GALNT13: variants seen among roughly 807,000 people sequenced by gnomAD.
The protein encoded by GALNT13 is polypeptide N-acetylgalactosaminyltransferase 13.
In GALNT13, 28 loss-of-function variants were observed where a neutral mutation model predicts 64.2. The observed-to-expected ratio is 0.44, with a 90% CI of 0.32 to 0.60. The LOEUF is 0.60. Among genes scored for constraint, GALNT13 ranks in the 20% least tolerant of loss-of-function variants. The pLI, the probability that GALNT13 is intolerant of heterozygous loss-of-function variation, is 0.05. For missense variants in GALNT13, 577 were observed against 669.8 expected (o/e 0.86, Z 1.53); for synonymous variants, 214 against 224.6 (o/e 0.95, Z 0.42).
chr2:154,341,334 A>G (rs1695761789), intron 9 of GALNT13, among the ~76,000 whole-genome samples: 2 of 152,146 alleles, frequency 1.3e-5, no homozygotes, highest in Non-Finnish European at 2.9e-5. Context: ...TTCACATTCT[A>G]GTGGCAATGA....
chr2:153,108,486 C>A, the GALNT13 span, among the ~76,000 whole-genome samples: 3 of 152,052 alleles, frequency 2.0e-5, no homozygotes, highest in East Asian at 3.9e-4. Flanking sequence ...TATTCAGGAA[C>A]TTGGGAATGG....
At chr2:153,569,647 A>G in the GALNT13 span, among the ~76,000 whole-genome samples, 3 of 152,078 alleles carry the variant, frequency 2.0e-5, no homozygotes, top group African/African-American at 4.8e-5. Context: ...GGAAAATAGG[A>G]CATCCGTCCC....
the GALNT13 span, among the ~76,000 whole-genome samples, chr2:153,322,542 G>A: frequency 6.6e-6 from 1 of 152,078 alleles, no homozygotes; most frequent in Non-Finnish European, 1.5e-5. Flanking sequence ...TGGGATATAT[G>A]TGCAGAATGT....
chr2:154,096,206 C>T (rs1415505682), intron 3 of GALNT13, among the ~76,000 whole-genome samples: 1 of 151,956 alleles, frequency 6.6e-6, no homozygotes, highest in Non-Finnish European at 1.5e-5. Context: ...ATCTCAAGTC[C>T]TGGTAAGTGT....
At chr2:153,720,280 G>T in the GALNT13 span, among the ~76,000 whole-genome samples, 57 of 145,340 alleles carry the variant, frequency 3.9e-4, 3 homozygotes, top group African/African-American at 1.3e-3. Flanking sequence ...CTAACAAACA[G>T]AAAGGACATC....
chr2:153,700,876 A>G, the GALNT13 span, among the ~76,000 whole-genome samples: 5 of 152,280 alleles, frequency 3.3e-5, no homozygotes, highest in African/African-American at 1.2e-4. Flanking sequence ...TTCCATCCTC[A>G]TGGGTAGGAA....
At chr2:154,228,965 A>G (rs549358191) in intron 4 of GALNT13, among the ~76,000 whole-genome samples, 1 of 152,258 alleles carries the variant, frequency 6.6e-6, no homozygotes, top group South Asian at 2.1e-4. Context: ...CAGTTTCACT[A>G]CCTGCTACCA....
At chr2:153,721,230 G>C in the GALNT13 span, among the ~76,000 whole-genome samples, 1,906 of 148,910 alleles carry the variant, frequency 0.013, 39 homozygotes, top group African/African-American at 0.046. Flanking sequence ...AAGTGAAGGA[G>C]AAATAAAATA....
At chr2:153,852,324 A>G in the GALNT13 span, among the ~76,000 whole-genome samples, 1 of 152,200 alleles carries the variant, frequency 6.6e-6, no homozygotes, top group Non-Finnish European at 1.5e-5. Flanking sequence ...AAAGAAGCCT[A>G]CATTGCCTAT....
chr2:153,286,917 A>C, the GALNT13 span, among the ~76,000 whole-genome samples: 1 of 152,218 alleles, frequency 6.6e-6, no homozygotes, highest in African/African-American at 2.4e-5. Context: ...TAAAGCTGCT[A>C]AGAAAAAAAA....
chr2:154,374,649 A>G (rs899424400), intron 9 of GALNT13, among the ~76,000 whole-genome samples: 5 of 152,198 alleles, frequency 3.3e-5, no homozygotes, highest in Non-Finnish European at 5.9e-5. Flanking sequence ...TTGTTTCATT[A>G]GTTATGACTT....
the GALNT13 span, among the ~76,000 whole-genome samples, chr2:153,554,843 CT>C: frequency 6.6e-6 from 1 of 152,100 alleles, no homozygotes; most frequent in East Asian, 1.9e-4. Flanking sequence ...CCTTTGCTTT[CT>C]TTTTATATCC....
chr2:153,736,471 G>C, the GALNT13 span, among the ~76,000 whole-genome samples: 8 of 152,060 alleles, frequency 5.3e-5, no homozygotes, highest in Non-Finnish European at 1.0e-4. Flanking sequence ...TTCTGTTTCA[G>C]AACAAAGATC....
chr2:153,109,227 TCTA>T, the GALNT13 span, among the ~76,000 whole-genome samples: 1 of 152,136 alleles, frequency 6.6e-6, no homozygotes, highest in African/African-American at 2.4e-5. Flanking sequence ...AAAGCAGACA[TCTA>T]CCTGGCTAAT....
At chr2:154,278,981 G>T (rs995609540) in intron 8 of GALNT13, among the ~76,000 whole-genome samples, 4 of 152,108 alleles carry the variant, frequency 2.6e-5, no homozygotes, top group Admixed American at 2.0e-4. Flanking sequence ...ATCTAAAAAT[G>T]AATAAGGAAC....
chr2:154,283,694 TACAC>T (rs1692093121), intron 8 of GALNT13, among the ~76,000 whole-genome samples: 4 of 146,270 alleles, frequency 2.7e-5, no homozygotes, highest in African/African-American at 5.4e-5. Flanking sequence ...CACACACACA[TACAC>T]ACATCTATAT....
At chr2:154,281,211 T>A (rs189782566) in intron 8 of GALNT13, among the ~76,000 whole-genome samples, 1 of 152,336 alleles carries the variant, frequency 6.6e-6, no homozygotes, top group African/African-American at 2.4e-5. Context: ...ACCTAACCAT[T>A]AATTTCTTAA....
chr2:153,988,266 T>C (rs1694937523), intron 3 of GALNT13, among the ~76,000 whole-genome samples: 1 of 151,880 alleles, frequency 6.6e-6, no homozygotes. Context: ...GATCTAAAAC[T>C]TATTCTTCTT....
At chr2:153,613,733 T>C in the GALNT13 span, among the ~76,000 whole-genome samples, 1 of 152,178 alleles carries the variant, frequency 6.6e-6, no homozygotes, top group East Asian at 1.9e-4. Flanking sequence ...TGTTTGGTTT[T>C]TTGTCCTTGT....
Sources: allele counts gnomAD v4.1 joint callset (sites outside exome capture counted in the v4.1 genomes callset), GRCh38; gene constraint gnomAD v4.1.1; transcripts MANE v1.5; gene names NCBI Gene and HGNC (gene_info 2026-07-23, HGNC 2026-07-21).